ELOVL6: variants seen among roughly 807,000 people sequenced by gnomAD.
ELOVL6 encodes the protein very long chain fatty acid elongase 6.
Under a neutral mutation model 31.7 loss-of-function variants are expected in ELOVL6, and 8 were observed. The ratio of observed to expected loss-of-function variants is 0.25; its 90% confidence interval spans 0.15 to 0.45. The LOEUF is 0.45. ELOVL6 is among the 20% of genes least tolerant of loss of function. The pLI, the probability that ELOVL6 is intolerant of heterozygous loss-of-function variation, is 1.00. For missense variants in ELOVL6, 126 were observed against 326.4 expected (o/e 0.39, Z 4.73); for synonymous variants, 101 against 117.7 (o/e 0.86, Z 0.92).
At chr4:110,054,367 C>T (rs575749858) in intron 3 of ELOVL6, among the ~76,000 whole-genome samples, 2 of 152,206 alleles carry the variant, frequency 1.3e-5, no homozygotes, top group East Asian at 3.9e-4. Flanking sequence ...AGAGATCCAC[C>T]GTTTCTGTAT....
chr4:110,068,001 T>C (rs1687478444), intron 2 of ELOVL6, among the ~76,000 whole-genome samples: 1 of 152,306 alleles, frequency 6.6e-6, no homozygotes, highest in African/African-American at 2.4e-5. Context: ...AGAGCTCTCC[T>C]CTGAGATCTG....
rs1006901268 is a variant in ELOVL6, at chr4:110,049,462, A to T, written c.*1876T>A. ...GCTGAAAAAGCCCTTGCCATCTCTG[A>T]CAGAAAAGCAGAGCAGCTCTGTTTC... On this transcript the variant is annotated 3_prime_UTR_variant, in exon 4 of 4. Coordinates refer to ENST00000302274, the MANE Select transcript of ELOVL6 (RefSeq NM_024090.3). The T allele has an allele frequency of 6.6e-6, 1 of 152,600 alleles. No individual in the cohort carries two copies. The highest frequency in any genetic ancestry group is 1.5e-5 in the Non-Finnish European group (1 of 68,026). The allele number at this position is 152,600 out of a possible 1,614,324, so 9.5% of individuals were successfully genotyped here. A position where few individuals can be genotyped will look rare whatever the true frequency, so the allele number is the denominator to read the frequency against.
chr4:110,054,702 TG>T (rs1436087213), intron 3 of ELOVL6, among the ~76,000 whole-genome samples: 1 of 152,172 alleles, frequency 6.6e-6, no homozygotes, highest in Non-Finnish European at 1.5e-5. Context: ...CATATTAGAA[TG>T]GGCTAGTGTG....
intron 2 of ELOVL6, among the ~76,000 whole-genome samples, chr4:110,074,215 T>C (rs1755568281): frequency 6.6e-6 from 1 of 152,246 alleles, no homozygotes; most frequent in African/African-American, 2.4e-5. Context: ...ATAACCTGTG[T>C]CCATCTTCCC....
At chr4:110,095,503 T>A (rs557669515) in intron 2 of ELOVL6, among the ~76,000 whole-genome samples, 211 of 139,924 alleles carry the variant, frequency 1.5e-3, no homozygotes, top group African/African-American at 5.4e-3. Flanking sequence ...AAAAAAGGCA[T>A]GAAATTAGGA....
chr4:110,124,070 C>T (rs1174144581), intron 1 of ELOVL6, among the ~76,000 whole-genome samples: 1 of 152,126 alleles, frequency 6.6e-6, no homozygotes, highest in Admixed American at 6.6e-5. Flanking sequence ...TTAGAAGGTA[C>T]CACGGTAAAG....
chr4:110,166,509 G>T (rs1758783617), intron 1 of ELOVL6, among the ~76,000 whole-genome samples: 1 of 152,052 alleles, frequency 6.6e-6, no homozygotes. Flanking sequence ...GCTACTAGAA[G>T]GGCTAAGGCA....
intron 1 of ELOVL6, among the ~76,000 whole-genome samples, chr4:110,119,045 C>T (rs1431333961): frequency 2.0e-5 from 3 of 151,844 alleles, no homozygotes; most frequent in African/African-American, 7.3e-5. Context: ...GCCTGGGCCA[C>T]AAAGGAAATT....
In ELOVL6 at chr4:110,048,230, T is replaced by C. The variant is rs1463893669; in HGVS notation, c.*3108A>G. 1 of 152,204 alleles carries C rather than the reference T, an allele frequency of 6.6e-6. No individual in the cohort carries two copies. Among genetic ancestry groups the C allele is most frequent in the African/African-American group, 2.4e-5 (1 of 41,444 alleles). 9.4% of individuals were successfully genotyped at this position (152,204 alleles called of 1,614,324 possible). On this transcript the variant is annotated 3_prime_UTR_variant, in exon 4 of 4. Coordinates refer to ENST00000302274, the MANE Select transcript of ELOVL6 (RefSeq NM_024090.3). The stretch of plus-strand genomic sequence containing the variant: ...ATGGTTTTAATTTGGTACTTTGGCC[T>C]TGCGTTAGATGTAATATGGTAGTTA...
intron 1 of ELOVL6, among the ~76,000 whole-genome samples, chr4:110,148,009 G>C (rs1758171793): frequency 1.3e-5 from 2 of 151,706 alleles, no homozygotes; most frequent in South Asian, 4.2e-4. Flanking sequence ...AGCTATCTGG[G>C]AGGCTGAGGC....
chr4:110,168,168 G>A (rs1416536784), intron 1 of ELOVL6, among the ~76,000 whole-genome samples: 1 of 152,048 alleles, frequency 6.6e-6, no homozygotes, highest in Non-Finnish European at 1.5e-5. Context: ...TCATTTTTAG[G>A]TGTATTTTTA....
intron 2 of ELOVL6, among the ~76,000 whole-genome samples, chr4:110,066,637 CAAAAAAAAAAAAAA>C (rs1209180349): frequency 1.8e-5 from 1 of 56,556 alleles, no homozygotes. Flanking sequence ...TCTGTCTCAA[CAAAAAAAAAAAAAA>C]AAAAAAAAAA....
chr4:110,156,097 A>T (rs1480474153), intron 1 of ELOVL6, among the ~76,000 whole-genome samples: 4 of 152,228 alleles, frequency 2.6e-5, no homozygotes, highest in Admixed American at 6.5e-5. Context: ...AATAGAAAAT[A>T]AGAAGGGGAA....
At chr4:110,156,705 C>T (rs553600212) in intron 1 of ELOVL6, among the ~76,000 whole-genome samples, 10 of 152,102 alleles carry the variant, frequency 6.6e-5, no homozygotes, top group East Asian at 3.9e-4. Context: ...GAAAAAGAAA[C>T]GGGCCCATGT....
At chr4:110,154,896 G>A (rs556303332) in intron 1 of ELOVL6, among the ~76,000 whole-genome samples, 1 of 152,104 alleles carries the variant, frequency 6.6e-6, no homozygotes, top group Non-Finnish European at 1.5e-5. Context: ...GTCAAAACAG[G>A]GACTTTCCAC....
At chr4:110,174,269 T>G (rs1228194146) in intron 1 of ELOVL6, among the ~76,000 whole-genome samples, 1 of 151,444 alleles carries the variant, frequency 6.6e-6, no homozygotes, top group Non-Finnish European at 1.5e-5. Flanking sequence ...ACTCAAGAGA[T>G]TCTCCTGCCT....
At chr4:110,076,715 C>A (rs1485892558) in intron 2 of ELOVL6, among the ~76,000 whole-genome samples, 2 of 152,102 alleles carry the variant, frequency 1.3e-5, no homozygotes, top group African/African-American at 4.8e-5. Flanking sequence ...GTTCATCTCA[C>A]TGGGGAGTGT....
At chr4:110,065,885 C>T (rs1755285924) in intron 2 of ELOVL6, among the ~76,000 whole-genome samples, 1 of 152,112 alleles carries the variant, frequency 6.6e-6, no homozygotes, top group Non-Finnish European at 1.5e-5. Context: ...AAAATTTTTA[C>T]ATTGTTCCCT....
intron 1 of ELOVL6, among the ~76,000 whole-genome samples, chr4:110,119,054 T>C (rs1757268817): frequency 6.6e-6 from 1 of 152,060 alleles, no homozygotes; most frequent in Non-Finnish European, 1.5e-5. Context: ...ACAAAGGAAA[T>C]TTCAAACAAA....
Sources: gnomAD v4.1 joint callset for allele counts (sites outside exome capture counted in the v4.1 genomes callset) on GRCh38, gnomAD v4.1.1 for gene constraint, MANE v1.5 for transcripts, NCBI Gene and HGNC (gene_info 2026-07-23, HGNC 2026-07-21) for gene names.